JARID2: variants seen among roughly 807,000 people sequenced by gnomAD.
JARID2 encodes the protein protein Jumonji.
JARID2 carries 21 observed loss-of-function variants against 125.6 expected under a neutral mutation model. The ratio of observed to expected loss-of-function variants is 0.17; its 90% CI spans 0.12 to 0.24. The LOEUF is 0.24. Ranked by LOEUF, JARID2 falls within the 10% of genes least tolerant of loss-of-function variation. The pLI, the probability that JARID2 is intolerant of heterozygous loss-of-function variation, is 1.00. For synonymous variants in JARID2, 736 were observed against 661.6 expected, an observed-to-expected ratio of 1.11 and a Z score of -1.73; for missense variants, 1,303 against 1,639.6, an observed-to-expected ratio of 0.79 and a Z score of 3.55.
intron 2 of JARID2, among the ~76,000 whole-genome samples, chr6:15,400,471 C>T (rs539415349): frequency 1.4e-5 from 2 of 140,314 alleles, no homozygotes; most frequent in African/African-American, 5.4e-5. Flanking sequence ...AGTCCGCTGT[C>T]TGTGGGGGTG....
chr6:15,399,937 C>T (rs946426996), intron 2 of JARID2, among the ~76,000 whole-genome samples: 1 of 152,092 alleles, frequency 6.6e-6, no homozygotes, highest in Non-Finnish European at 1.5e-5. Context: ...GGTTGAAGTT[C>T]AAAGAAAGGC....
chr6:15,268,374 A>G lies in JARID2; in HGVS notation c.45+21790A>G, dbSNP rs9396576. ...GAGTGCAGCTTAACGCCAGGACTTC[A>G]TTTAGTCAGAGGGAAATGGTTGCTA... On this transcript the variant is annotated intron_variant, in intron 1 of 17. Transcript: ENST00000341776. Among the ~76,000 whole-genome samples, 197 of 152,314 alleles carry G rather than the reference A, an allele frequency of 1.3e-3. 4 individuals are homozygous for G. In the East Asian group the frequency reaches 0.029, roughly 23 times the overall value.
chr6:15,503,653 TC>T (rs1012035684), intron 8 of JARID2, among the ~76,000 whole-genome samples: 5 of 152,236 alleles, frequency 3.3e-5, no homozygotes, highest in African/African-American at 1.2e-4. Context: ...CATGCACTGC[TC>T]TGTCTCCAGC....
intron 17 of JARID2, among the ~76,000 whole-genome samples, chr6:15,517,962 T>C (rs1470866760): frequency 6.6e-6 from 1 of 152,206 alleles, no homozygotes; most frequent in African/African-American, 2.4e-5. Context: ...CGGGTATGAC[T>C]GTGAGGGGCC....
chr6:15,361,552 T>C (rs1369532503), intron 1 of JARID2, among the ~76,000 whole-genome samples: 1 of 152,248 alleles, frequency 6.6e-6, no homozygotes, highest in Admixed American at 6.5e-5. Context: ...ACTTTGCTTC[T>C]TGATAGCCAT....
At chr6:15,475,373 A>G (rs1444341923) in intron 5 of JARID2, among the ~76,000 whole-genome samples, 2 of 152,210 alleles carry the variant, frequency 1.3e-5, no homozygotes, top group Non-Finnish European at 2.9e-5. Context: ...GAACCTGAAG[A>G]AGGCCTCTTC....
At chr6:15,383,135 A>G (rs1233347769) in intron 2 of JARID2, among the ~76,000 whole-genome samples, 1 of 151,954 alleles carries the variant, frequency 6.6e-6, no homozygotes, top group Non-Finnish European at 1.5e-5. Context: ...GAAGTGGGGA[A>G]GGCAAATGGA....
intron 1 of JARID2, among the ~76,000 whole-genome samples, chr6:15,283,140 G>C (rs565428386): frequency 1.4e-5 from 2 of 145,442 alleles, no homozygotes; most frequent in African/African-American, 5.1e-5. Flanking sequence ...CACCACGCCC[G>C]GCTAATTTTT....
intron 2 of JARID2, among the ~76,000 whole-genome samples, chr6:15,385,965 T>G (rs1764769394): frequency 6.6e-6 from 1 of 152,228 alleles, no homozygotes; most frequent in Non-Finnish European, 1.5e-5. Flanking sequence ...CCTTGTGTCC[T>G]TTCTTTCTGA....
chr6:15,359,941 C>G (rs780773602), intron 1 of JARID2, among the ~76,000 whole-genome samples: 4 of 152,110 alleles, frequency 2.6e-5, no homozygotes, highest in Non-Finnish European at 5.9e-5. Context: ...TCTTCCTCGG[C>G]CTTCCAAAGT....
At chr6:15,313,837 C>G (rs1013493946) in intron 1 of JARID2, among the ~76,000 whole-genome samples, 14 of 152,220 alleles carry the variant, frequency 9.2e-5, no homozygotes, top group Admixed American at 2.6e-4. Context: ...ATCTAAACCT[C>G]TTCTCCTAGG....
At chr6:15,264,867 T>TA (rs539422688) in intron 1 of JARID2, among the ~76,000 whole-genome samples, 31 of 152,316 alleles carry the variant, frequency 2.0e-4, no homozygotes, top group African/African-American at 7.5e-4. Flanking sequence ...CCCTATAATG[T>TA]AATGCAGAAT....
At chr6:15,392,357 C>T (rs1025969851) in intron 2 of JARID2, among the ~76,000 whole-genome samples, 16 of 152,110 alleles carry the variant, frequency 1.1e-4, no homozygotes, top group African/African-American at 3.4e-4. Flanking sequence ...ATTACCACCT[C>T]GAGCCATCTG....
At chr6:15,254,723 T>C (rs946772083) in intron 1 of JARID2, among the ~76,000 whole-genome samples, 5 of 152,134 alleles carry the variant, frequency 3.3e-5, no homozygotes, top group Admixed American at 3.3e-4. Context: ...TTATTTACCA[T>C]GCTCCTAGAA....
At chr6:15,336,158 AAG>A (rs1435356918) in intron 1 of JARID2, among the ~76,000 whole-genome samples, 2 of 152,330 alleles carry the variant, frequency 1.3e-5, no homozygotes, top group East Asian at 3.9e-4. Context: ...ATCATCCCAG[AAG>A]AGAGGTAATT....
At chr6:15,328,428 C>T (rs568421902) in intron 1 of JARID2, among the ~76,000 whole-genome samples, 6 of 152,276 alleles carry the variant, frequency 3.9e-5, no homozygotes, top group African/African-American at 1.4e-4. Flanking sequence ...TACTGTGCTG[C>T]CTTATACCTG....
intron 11 of JARID2, 90 bp downstream of exon 11, chr6:15,507,506 C>G: frequency 4.6e-6 from 5 of 1,095,514 alleles, no homozygotes; most frequent in Non-Finnish European, 6.9e-6. Flanking sequence ...CTTCTAAGCA[C>G]TGCCGGGGAG....
chr6:15,337,060 C>G (rs938475811), intron 1 of JARID2, among the ~76,000 whole-genome samples: 2 of 152,084 alleles, frequency 1.3e-5, no homozygotes, highest in Non-Finnish European at 2.9e-5. Flanking sequence ...TGAGTGTAAA[C>G]GAATGCGAAA....
chr6:15,436,134 C>T (rs992920752), intron 3 of JARID2, among the ~76,000 whole-genome samples: 1 of 152,146 alleles, frequency 6.6e-6, no homozygotes, highest in Non-Finnish European at 1.5e-5. Flanking sequence ...AGTTTGCTGT[C>T]TATAGGCGGC....
Sources: allele counts gnomAD v4.1 joint callset (sites outside exome capture counted in the v4.1 genomes callset), GRCh38; gene constraint gnomAD v4.1.1; transcripts MANE v1.5; gene names NCBI Gene and HGNC (gene_info 2026-07-23, HGNC 2026-07-21).